Variants in CD86 observed in about 807,000 individuals in gnomAD.
The protein encoded by CD86 is T-lymphocyte activation antigen CD86.
CD86 carries 11 observed loss-of-function variants against 32.1 expected under a neutral mutation model. The observed-to-expected ratio is 0.34, with a 90% CI of 0.22 to 0.57. The LOEUF (loss-of-function observed/expected upper bound fraction) is 0.57. Ranked by LOEUF, CD86 falls within the 20% of genes least tolerant of loss-of-function variation. CD86 has a pLI of 0.86. For missense variants in CD86, 359 were observed against 398.4 expected, an observed-to-expected ratio of 0.90 and a Z score of 0.84; for synonymous variants, 137 against 135.3, an observed-to-expected ratio of 1.01 and a Z score of -0.09.
chr3:122,074,851 C>G (rs1455237125), intron 1 of CD86, among the ~76,000 whole-genome samples: 2 of 152,166 alleles, frequency 1.3e-5, no homozygotes, highest in Non-Finnish European at 2.9e-5. Context: ...CAGCCCCACA[C>G]AGAAAGCAGT....
chr3:122,092,364 T>G (rs1311210346), intron 2 of CD86, among the ~76,000 whole-genome samples: 2 of 152,196 alleles, frequency 1.3e-5, no homozygotes, highest in African/African-American at 2.4e-5. Context: ...AAGTAAGATA[T>G]TGTAACCACA....
chr3:122,083,982 C>T (rs1310462547), intron 1 of CD86, among the ~76,000 whole-genome samples: 2 of 151,924 alleles, frequency 1.3e-5, no homozygotes, highest in African/African-American at 2.4e-5. Context: ...GTAATTGTGG[C>T]TTGTATTGTA....
intron 1 of CD86, among the ~76,000 whole-genome samples, chr3:122,075,675 A>G (rs541874716): frequency 6.6e-6 from 1 of 152,264 alleles, no homozygotes; most frequent in South Asian, 2.1e-4. Flanking sequence ...AACTCTAGCT[A>G]AGTTGGAGAA....
chr3:122,111,281 A>C (rs1357016208), intron 5 of CD86, among the ~76,000 whole-genome samples: 1 of 152,216 alleles, frequency 6.6e-6, no homozygotes, highest in Non-Finnish European at 1.5e-5. Flanking sequence ...GGATTCTGTA[A>C]CTTCAGCAAT....
intron 1 of CD86, among the ~76,000 whole-genome samples, chr3:122,085,792 C>T (rs927090924): frequency 2.6e-5 from 4 of 152,168 alleles, no homozygotes; most frequent in African/African-American, 9.7e-5. Flanking sequence ...CACCCAGAGG[C>T]AAACCAAGGC....
In CD86 at chr3:122,065,772, C is replaced by T. The variant is rs140845376; in HGVS notation, c.14+10269C>T. ...AAGTCTGGACCCAGCCATTCCAACT[C>T]CTTTGAGGAAATAAGATTCTAAGGA... On this transcript the variant is annotated intron_variant, in intron 1 of 6. Transcript: ENST00000330540. 8.0e-3 allele frequency among the ~76,000 whole-genome samples: 1,216 copies of T among 152,240 alleles called. 5 individuals carry two copies. Among genetic ancestry groups the T allele is most frequent in the Middle Eastern group, 0.027 (8 of 294 alleles).
chr3:122,070,882 T>C (rs1289977761), intron 1 of CD86, among the ~76,000 whole-genome samples: 1 of 152,204 alleles, frequency 6.6e-6, no homozygotes, highest in Non-Finnish European at 1.5e-5. Context: ...CTAGCAGCCC[T>C]CTAAAATGTC....
chr3:122,081,334 GA>G (rs1285983174), intron 1 of CD86, among the ~76,000 whole-genome samples: 1 of 152,112 alleles, frequency 6.6e-6, no homozygotes. Context: ...ATATACCAAT[GA>G]AAAGCATCAA....
At chr3:122,059,008 T>C (rs2072283795) in intron 1 of CD86, among the ~76,000 whole-genome samples, 3 of 151,930 alleles carry the variant, frequency 2.0e-5, no homozygotes, top group African/African-American at 4.8e-5. Flanking sequence ...CTTCACAAAA[T>C]GGAAGGTATA....
At chr3:122,116,131 T>C (rs991595493) in intron 5 of CD86, among the ~76,000 whole-genome samples, 1 of 152,044 alleles carries the variant, frequency 6.6e-6, no homozygotes, top group Non-Finnish European at 1.5e-5. Flanking sequence ...AAAAACCATA[T>C]CATAAAAAGA....
Position 122,095,049 on chromosome 3 carries a change from T to C in CD86, c.64+3399T>C, listed in dbSNP as rs1346857628. The stretch of plus-strand genomic sequence containing the variant: ...AGTATCTTTCCAGTTTGAGTTTTGG[T>C]AGCTGCTCTCTTTTTGTCTGAGGGT... On this transcript the variant is annotated intron_variant, in intron 2 of 6. Coordinates refer to ENST00000330540, the MANE Select transcript of CD86 (RefSeq NM_175862.5). Among the ~76,000 whole-genome samples the C allele has an allele frequency of 2.0e-5, 3 of 152,290 alleles. No homozygotes were observed. The East Asian group carries it at 5.8e-4, about 29-fold the overall frequency.
chr3:122,095,162 C>T (rs2072886137), intron 2 of CD86, among the ~76,000 whole-genome samples: 1 of 137,392 alleles, frequency 7.3e-6, no homozygotes, highest in Non-Finnish European at 1.5e-5. Flanking sequence ...AATATTTCTT[C>T]ACTTTAAGAT....
chr3:122,057,809 T>G (rs1000219103), intron 1 of CD86, among the ~76,000 whole-genome samples: 3 of 152,228 alleles, frequency 2.0e-5, no homozygotes, highest in South Asian at 2.1e-4. Flanking sequence ...TGATAGAATT[T>G]TATATTTAGA....
At chr3:122,087,034 T>C (rs2072734067) in intron 1 of CD86, among the ~76,000 whole-genome samples, 1 of 152,182 alleles carries the variant, frequency 6.6e-6, no homozygotes, top group African/African-American at 2.4e-5. Flanking sequence ...ATCTGTAACA[T>C]GGGGACAAAT....
intron 1 of CD86, chr3:122,077,787 A>G: frequency 1.0e-6 from 1 of 985,442 alleles, no homozygotes; most frequent in Non-Finnish European, 1.2e-6. Flanking sequence ...TGCCGGCAGA[A>G]GTTATTTGGA....
chr3:122,105,663 A>T (rs1333912690), intron 3 of CD86, among the ~76,000 whole-genome samples: 1 of 152,154 alleles, frequency 6.6e-6, no homozygotes, highest in Non-Finnish European at 1.5e-5. Flanking sequence ...TCATGCCAAA[A>T]ATCAGTGTTC....
At chr3:122,092,866 C>T (rs1410093133) in intron 2 of CD86, among the ~76,000 whole-genome samples, 2 of 152,226 alleles carry the variant, frequency 1.3e-5, no homozygotes, top group Non-Finnish European at 2.9e-5. Context: ...CAGGGAACTA[C>T]AAAGAGATGG....
rs761866182 is a variant in CD86, at chr3:122,071,660, AT to A, written c.14+16160del. ...CTGCTGGATCATATGGTAAGAGTAT[AT>A]TTACTTTTTTAAGAAACTGCTAAAC... On this transcript the variant is annotated intron_variant, in intron 1 of 6. Transcript: ENST00000330540. 7.9e-5 allele frequency among the ~76,000 whole-genome samples: 12 copies of A among 152,154 alleles called. No homozygotes were observed. The South Asian group carries it at 2.5e-3, about 32-fold the overall frequency.
At position 122,106,384 on chromosome 3, in the gene CD86, T is replaced by A. The variant is rs2073092316; in HGVS notation, c.587T>A (p.Leu196Gln). The change falls in exon 4 of 7, where the codon CTG (leucine) becomes CAG (glutamine). Residue 196 changes from leucine (L) to glutamine (Q), a missense_variant. Leu to Gln is a moderately radical substitution (Grantham distance 113, BLOSUM62 -2). Coordinates refer to ENST00000330540, the MANE Select transcript of CD86 (RefSeq NM_175862.5). ...MQKSQDNVTELYDVSISLSVS... is the reference protein window; with the variant it reads ...MQKSQDNVTEQYDVSISLSVS... ...AAATCTCAAGATAATGTCACAGAAC[T>A]GTACGACGTTTCCATCAGCTTGTCT... The A allele has an allele frequency of 6.2e-7, 1 of 1,614,112 alleles. No homozygotes were observed. The highest frequency in any genetic ancestry group is 8.5e-7 in the Non-Finnish European group (1 of 1,179,936).
Sources: allele counts gnomAD v4.1 joint callset (sites outside exome capture counted in the v4.1 genomes callset), GRCh38; gene constraint gnomAD v4.1.1; transcripts MANE v1.5; gene names NCBI Gene and HGNC (gene_info 2026-07-23, HGNC 2026-07-21).